The following CD300LD variants were observed in gnomAD, a reference collection of about 807,000 sequenced individuals.
The protein encoded by CD300LD is CMRF35-like molecule 5.
A neutral mutation model predicts 20.3 loss-of-function variants in CD300LD; 18 were observed. The observed-to-expected ratio is 0.89, with a 90% CI of 0.61 to 1.32. The LOEUF (loss-of-function observed/expected upper bound fraction) is 1.32. Among genes scored for constraint, CD300LD ranks in the 40% most tolerant of loss-of-function variants. The probability of loss-of-function intolerance (pLI) is 0.00; values close to 1 mark genes in which losing one functional copy is unlikely to be tolerated. For synonymous variants in CD300LD, 104 were observed against 90.1 expected (o/e 1.15, Z -0.87); for missense variants, 195 against 226.6 (o/e 0.86, Z 0.90).
downstream of CD300LD, among the ~76,000 whole-genome samples, chr17:74,579,044 C>A (rs7342844): frequency 0.17 from 25,824 of 152,186 alleles, 2,343 homozygotes; most frequent in African/African-American, 0.21. Context: ...GAAAATGTAA[C>A]AATCAACACT....
At position 74,579,751 on chromosome 17, in the gene CD300LD, G is replaced by A. The variant is rs780111744; in HGVS notation, c.*251C>T. Reference sequence around the variant, plus strand: ...AATTTAAAAATTAGCTGGGGGTGGTGGCATGTGCCTGTAGCCCCAGCTACT... The same window carrying A: ...AATTTAAAAATTAGCTGGGGGTGGTAGCATGTGCCTGTAGCCCCAGCTACT... On this transcript the variant is annotated 3_prime_UTR_variant, in exon 4 of 4. Transcript: ENST00000375352. The A allele has an allele frequency of 1.2e-5, 3 of 255,474 alleles. No homozygotes were observed. Among genetic ancestry groups the A allele is most frequent in the African/African-American group, 2.2e-5 (1 of 44,794 alleles). The allele number at this position is 255,474 out of a possible 1,614,324, so 15.8% of individuals were successfully genotyped here. A position where few individuals can be genotyped will look rare whatever the true frequency, so the allele number is the denominator to read the frequency against.
chr17:74,590,306 C>T, intron 1 of CD300LD, among the ~76,000 whole-genome samples: 1 of 152,136 alleles, frequency 6.6e-6, no homozygotes. Context: ...TCCATTAAAC[C>T]TCTTTTTCTG....
At chr17:74,591,869 C>G in intron 1 of CD300LD, 52 of 398,436 alleles carry the variant, frequency 1.3e-4, no homozygotes, top group Non-Finnish European at 2.0e-4. Context: ...TCATTAGTTC[C>G]TTCCTTCATT....
rs944277123 is a variant in CD300LD at position 74,579,473 on chromosome 17, T to A, written c.*529A>T. ...AAGGGCTCTGTCAGGCCCCAGGGAC[T>A]GTGCAGAGAAGGGAATAGCCCCAGG... On this transcript the variant is annotated 3_prime_UTR_variant, in exon 4 of 4. Coordinates refer to ENST00000375352, the MANE Select transcript of CD300LD (RefSeq NM_001115152.2). The A allele has an allele frequency of 6.5e-6, 1 of 152,846 alleles. No homozygotes were observed. Among genetic ancestry groups the A allele is most frequent in the African/African-American group, 2.4e-5 (1 of 41,444 alleles). The allele number at this position is 152,846 out of a possible 1,614,324, so 9.5% of individuals were successfully genotyped here. A position where few individuals can be genotyped will look rare whatever the true frequency, so the allele number is the denominator to read the frequency against.
intron 2 of CD300LD, among the ~76,000 whole-genome samples, chr17:74,582,887 C>T (rs368170280): frequency 1.1e-4 from 16 of 152,334 alleles, no homozygotes; most frequent in South Asian, 2.1e-4. Context: ...CCACACCCTA[C>T]TCACGCTGAC....
chr17:74,581,199 C>T (rs907429453), intron 3 of CD300LD, among the ~76,000 whole-genome samples: 6 of 151,920 alleles, frequency 3.9e-5, no homozygotes, highest in Admixed American at 3.3e-4. Flanking sequence ...GTCGAGGAGT[C>T]CTAAAGCCAG....
intron 3 of CD300LD, among the ~76,000 whole-genome samples, chr17:74,581,695 A>G (rs1238499636): frequency 6.6e-6 from 1 of 152,206 alleles, no homozygotes; most frequent in Non-Finnish European, 1.5e-5. Context: ...CTAACCCACT[A>G]AAGGCCAAAC....
chr17:74,585,895 C>A (rs544509801), intron 2 of CD300LD, among the ~76,000 whole-genome samples: 1 of 152,104 alleles, frequency 6.6e-6, no homozygotes, highest in Non-Finnish European at 1.5e-5. Flanking sequence ...GTTAGGTAAT[C>A]GTCCTTATTC....
At chr17:74,582,898 G>A (rs962292936) in intron 2 of CD300LD, among the ~76,000 whole-genome samples, 4 of 152,156 alleles carry the variant, frequency 2.6e-5, no homozygotes, top group African/African-American at 4.8e-5. Flanking sequence ...TCACGCTGAC[G>A]GTGTGTGTAG....
chr17:74,587,390 T>C (rs2030189387), intron 2 of CD300LD, among the ~76,000 whole-genome samples: 1 of 152,212 alleles, frequency 6.6e-6, no homozygotes, highest in African/African-American at 2.4e-5. Context: ...TATTCCCTTA[T>C]TATTCTTTTA....
chr17:74,591,860 CATT>C (rs2030327590), intron 1 of CD300LD: 1 of 399,364 alleles, frequency 2.5e-6, no homozygotes, highest in African/African-American at 2.1e-5. Context: ...TGGACTCACT[CATT>C]AGTTCCTTCC....
intron 1 of CD300LD, among the ~76,000 whole-genome samples, chr17:74,591,258 A>T (rs866300479): frequency 5.9e-4 from 58 of 98,504 alleles, no homozygotes; most frequent in East Asian, 1.5e-3. Flanking sequence ...TACAAAAAAA[A>T]AAAAAATAAA....
At chr17:74,582,084 C>G in intron 3 of CD300LD, 134 bp downstream of exon 3, 2 of 620,842 alleles carry the variant, frequency 3.2e-6, no homozygotes, top group Non-Finnish European at 5.6e-6. Context: ...TATACTTATG[C>G]TAAAAAATGT....
chr17:74,592,007 T>C, intron 1 of CD300LD, 156 bp downstream of exon 1: 1 of 1,556,926 alleles, frequency 6.4e-7, no homozygotes, highest in Non-Finnish European at 8.7e-7. Context: ...ACCTGTCAGA[T>C]AACAAAAACT....
At chr17:74,588,955 G>T in intron 1 of CD300LD, 106 bp from the exon 2 acceptor site, 1 of 733,178 alleles carries the variant, frequency 1.4e-6, no homozygotes. Context: ...TAACAGTCAA[G>T]GAAGCAATAC....
intron 1 of CD300LD, among the ~76,000 whole-genome samples, chr17:74,590,335 G>A (rs748237448): frequency 2.0e-5 from 3 of 151,960 alleles, no homozygotes; most frequent in African/African-American, 2.4e-5. Context: ...ACTCAGTCTC[G>A]GGTATGTCCT....
At position 74,592,162 on chromosome 17, in the gene CD300LD, C is replaced by A; in HGVS notation, c.40+1G>T. On this transcript the variant is annotated splice_donor_variant, in intron 1 of 3. Coordinates refer to ENST00000375352, the MANE Select transcript of CD300LD (RefSeq NM_001115152.2). LOFTEE classifies it high-confidence loss of function. ...TGCCTTAAAGCTCCAGCCACACTCACCTGGGAGGATGAGAAGCAGCAGAGA... is the reference window on the plus strand; with the variant it reads ...TGCCTTAAAGCTCCAGCCACACTCAACTGGGAGGATGAGAAGCAGCAGAGA... 1 of 1,614,194 alleles carries A rather than the reference C, an allele frequency of 6.2e-7. No individual in the cohort carries two copies. Among genetic ancestry groups the A allele is most frequent in the East Asian group, 2.2e-5 (1 of 44,876 alleles).
chr17:74,578,833 T>C (rs1020095514), downstream of CD300LD, among the ~76,000 whole-genome samples: 1 of 152,090 alleles, frequency 6.6e-6, no homozygotes, highest in Admixed American at 6.5e-5. Flanking sequence ...GGCAGGGGGC[T>C]CAGTCATTAG....
intron 2 of CD300LD, among the ~76,000 whole-genome samples, chr17:74,586,449 T>A (rs976551270): frequency 6.6e-6 from 1 of 152,038 alleles, no homozygotes; most frequent in Non-Finnish European, 1.5e-5. Context: ...CTCATTGCAA[T>A]ATAGGAAATA....
Sources: allele counts gnomAD v4.1 joint callset (sites outside exome capture counted in the v4.1 genomes callset), GRCh38; gene constraint gnomAD v4.1.1; transcripts MANE v1.5; gene names NCBI Gene and HGNC (gene_info 2026-07-23, HGNC 2026-07-21).